TRIP12: variants seen among roughly 807,000 people sequenced by gnomAD.
TRIP12 encodes thyroid hormone receptor interactor 12.
In TRIP12, 25 loss-of-function variants were observed where a neutral mutation model predicts 244.2. The observed-to-expected ratio is 0.10, with a 90% CI of 0.07 to 0.14. The LOEUF is 0.14. TRIP12 is among the 10% of genes least tolerant of loss of function. The pLI, the probability that TRIP12 is intolerant of heterozygous loss-of-function variation, is 1.00. For missense variants in TRIP12, 1,677 were observed against 2,486.4 expected (o/e 0.67, Z 6.92); for synonymous variants, 905 against 873.1 (o/e 1.04, Z -0.64).
At chr2:229,909,730 G>A (rs1282804731) in intron 1 of TRIP12, among the ~76,000 whole-genome samples, 1 of 151,928 alleles carries the variant, frequency 6.6e-6, no homozygotes, top group Non-Finnish European at 1.5e-5. Flanking sequence ...GTGTGAGCCT[G>A]TAGTCTCAGC....
chr2:229,913,543 A>G (rs2074747738), intron 1 of TRIP12, among the ~76,000 whole-genome samples: 1 of 152,232 alleles, frequency 6.6e-6, no homozygotes, highest in South Asian at 2.1e-4. Context: ...AACTAACTAA[A>G]ATATTCTAGG....
intron 15 of TRIP12, 67 bp from the exon 16 acceptor site, chr2:229,808,436 AC>A (rs2046416074): frequency 1.0e-6 from 1 of 997,492 alleles, no homozygotes; most frequent in African/African-American, 1.6e-5. Context: ...TCAAAGGCAA[AC>A]ATTGCCCAAG....
chr2:229,767,416 C>T lies in TRIP12; in HGVS notation c.*138G>A. On this transcript the variant is annotated 3_prime_UTR_variant, in exon 42 of 42. Transcript: ENST00000675903. ...CCATTAATGAATATCAACCAAATGT[C>T]TCTTTATAATCTGCAAGCCGTTTTT... 9.9e-7 allele frequency: 1 copy of T among 1,012,094 alleles called. No homozygotes were observed. The highest frequency in any genetic ancestry group is 3.3e-4 in the Middle Eastern group (1 of 3,014). 62.7% of individuals were successfully genotyped at this position (1,012,094 alleles called of 1,614,324 possible).
At chr2:229,874,883 T>C (rs920156993) in intron 2 of TRIP12, among the ~76,000 whole-genome samples, 7 of 152,192 alleles carry the variant, frequency 4.6e-5, no homozygotes, top group South Asian at 2.1e-4. Flanking sequence ...AAAGTTGCTA[T>C]AAAATTAAAT....
chr2:229,922,527 TGCC>T, upstream of TRIP12: 1 of 1,613,944 alleles, frequency 6.2e-7, no homozygotes, highest in Non-Finnish European at 8.5e-7. Flanking sequence ...GCGTCGTGGC[TGCC>T]GGAGACTCTC....
intron 21 of TRIP12, among the ~76,000 whole-genome samples, chr2:229,801,476 T>C (rs142426177): frequency 4.3e-4 from 66 of 152,328 alleles, no homozygotes; most frequent in Admixed American, 6.5e-4. Context: ...TTTAGCATGA[T>C]CTACTTTTCA....
intron 8 of TRIP12, among the ~76,000 whole-genome samples, chr2:229,820,233 T>G (rs541103305): frequency 1.3e-5 from 2 of 152,004 alleles, no homozygotes; most frequent in Non-Finnish European, 2.9e-5. Flanking sequence ...TGTATGCAAC[T>G]AGATGGAGGT....
chr2:229,834,875 G>A (rs901569641), intron 6 of TRIP12, among the ~76,000 whole-genome samples: 1 of 152,126 alleles, frequency 6.6e-6, no homozygotes, highest in African/African-American at 2.4e-5. Flanking sequence ...GAGCTAATGT[G>A]GTTGGGCTTT....
chr2:229,815,525 G>T (rs2048280012), intron 9 of TRIP12, among the ~76,000 whole-genome samples: 1 of 152,130 alleles, frequency 6.6e-6, no homozygotes, highest in Non-Finnish European at 1.5e-5. Context: ...TGAGTATGCT[G>T]CTAGATAACC....
Position 229,797,747 on chromosome 2 carries a change from G to A in TRIP12, c.3567C>T (p.Asn1189=). 1 of 1,614,010 alleles carries A rather than the reference G, an allele frequency of 6.2e-7. No individual in the cohort carries two copies. The highest frequency in any genetic ancestry group is 8.5e-7 in the Non-Finnish European group (1 of 1,179,944). ...YFSSENMDGS[N]PALNVLQRLC... Reference sequence around the variant, plus strand: ...GTCTCTGAAGGACATTCAATGCAGGGTTGCTTCCATCCATATTCTCAGAAC... The same window carrying A: ...GTCTCTGAAGGACATTCAATGCAGGATTGCTTCCATCCATATTCTCAGAAC... The change falls in exon 24 of 42, where the codon AAC becomes AAT. Residue 1189 remains asparagine, a synonymous_variant. Transcript: ENST00000675903.
chr2:229,802,598 A>T (rs1224658810), intron 20 of TRIP12, 139 bp from the exon 21 acceptor site: 20 of 547,322 alleles, frequency 3.7e-5, no homozygotes, highest in Non-Finnish European at 5.4e-5. Context: ...AGGTAAAAGA[A>T]ATTAGGAGCC....
rs1030941976 is a variant in TRIP12 at position 229,800,345 on chromosome 2, T to C, written c.3207-962A>G. 7.9e-5 allele frequency among the ~76,000 whole-genome samples: 12 copies of C among 152,126 alleles called. No homozygotes were observed. The East Asian group carries it at 1.2e-3, about 15-fold the overall frequency. ...CACCTGTAGCCTGTTCTAACGACAG[T>C]AGAAATAGTTTGTAACAGCAATAAA... On this transcript the variant is annotated intron_variant, in intron 21 of 41. Coordinates refer to ENST00000675903, the MANE Select transcript of TRIP12 (RefSeq NM_001348323.3).
At chr2:229,864,848 A>T (rs1490099939) in intron 2 of TRIP12, among the ~76,000 whole-genome samples, 1 of 152,206 alleles carries the variant, frequency 6.6e-6, no homozygotes, top group African/African-American at 2.4e-5. Flanking sequence ...TGGGTTATGA[A>T]GCCTCAAATG....
At chr2:229,772,357 T>C (rs947048920) in intron 38 of TRIP12, among the ~76,000 whole-genome samples, 1 of 152,202 alleles carries the variant, frequency 6.6e-6, no homozygotes, top group Non-Finnish European at 1.5e-5. Context: ...GATGGAAGAA[T>C]AGCTTTCACA....
At chr2:229,773,922 A>G in intron 38 of TRIP12, 175 bp downstream of exon 38, 1 of 544,174 alleles carries the variant, frequency 1.8e-6, no homozygotes. Flanking sequence ...GAAATATCTG[A>G]TATGTGCACT....
In TRIP12 at chr2:229,893,346, A is replaced by G. The variant is rs554181136; in HGVS notation, c.-49-13218T>C. 2.6e-5 allele frequency among the ~76,000 whole-genome samples: 4 copies of G among 152,356 alleles called. No individual in the cohort carries two copies. The East Asian group carries it at 7.7e-4, about 29-fold the overall frequency. ...AACGAAATGCCCAAGTGTTAAGTGTAAAATTCAATGAGTTGTGACAAACAC... is the reference window on the plus strand; with the variant it reads ...AACGAAATGCCCAAGTGTTAAGTGTGAAATTCAATGAGTTGTGACAAACAC... On this transcript the variant is annotated intron_variant, in intron 1 of 41. Coordinates refer to ENST00000675903, the MANE Select transcript of TRIP12 (RefSeq NM_001348323.3).
intron 1 of TRIP12, among the ~76,000 whole-genome samples, chr2:229,880,618 T>A (rs1185017079): frequency 2.0e-5 from 3 of 152,198 alleles, no homozygotes; most frequent in Non-Finnish European, 2.9e-5. Flanking sequence ...CTTCACAGTA[T>A]TGTTGTGAAT....
chr2:229,824,660 GAAGAGTGAACACC>G (rs2045842112), intron 8 of TRIP12, among the ~76,000 whole-genome samples: 1 of 152,170 alleles, frequency 6.6e-6, no homozygotes. Flanking sequence ...GAGTGAACAC[GAAGAGTGAACACC>G]AAAATATAGT....
chr2:229,826,363 G>A (rs951907044), intron 8 of TRIP12, among the ~76,000 whole-genome samples: 1 of 152,090 alleles, frequency 6.6e-6, no homozygotes, highest in Admixed American at 6.5e-5. Flanking sequence ...AATCTGAAGA[G>A]GTCTCTAGAT....
Sources: gnomAD v4.1 joint callset for allele counts (sites outside exome capture counted in the v4.1 genomes callset) on GRCh38, gnomAD v4.1.1 for gene constraint, MANE v1.5 for transcripts, NCBI Gene and HGNC (gene_info 2026-07-23, HGNC 2026-07-21) for gene names.